Variants in GAB2 observed in about 807,000 individuals in gnomAD.
GAB2 encodes GRB2-associated-binding protein 2.
Under a neutral mutation model 65.5 loss-of-function variants are expected in GAB2, and 26 were observed. The observed-to-expected ratio is 0.40, with a 90% CI of 0.29 to 0.55. GAB2 has a LOEUF of 0.55. Among genes scored for constraint, GAB2 ranks in the 20% least tolerant of loss-of-function variants. The pLI is 0.53. For missense variants in GAB2, 884 were observed against 875.8 expected, an observed-to-expected ratio of 1.01 and a Z score of -0.12; for synonymous variants, 321 against 329.6, an observed-to-expected ratio of 0.97 and a Z score of 0.28.
intron 1 of GAB2, among the ~76,000 whole-genome samples, chr11:78,352,377 C>CT (rs1462131114): frequency 6.6e-6 from 1 of 152,186 alleles, no homozygotes; most frequent in African/African-American, 2.4e-5. Context: ...CTTCACAGAA[C>CT]CCGTCATAAG....
chr11:78,247,254 T>C (rs1356637994), intron 3 of GAB2, among the ~76,000 whole-genome samples: 1 of 152,232 alleles, frequency 6.6e-6, no homozygotes, highest in Non-Finnish European at 1.5e-5. Flanking sequence ...CTTTGGGTAT[T>C]GCACTTTGGA....
At chr11:78,286,279 A>G (rs1025851857) in intron 1 of GAB2, among the ~76,000 whole-genome samples, 16 of 152,086 alleles carry the variant, frequency 1.1e-4, no homozygotes, top group African/African-American at 3.9e-4. Flanking sequence ...TACCTCATCC[A>G]TCTGGAGAAT....
rs141561759 is a variant in GAB2, at chr11:78,239,005, C to T, written c.620+11152G>A. 5.2e-3 allele frequency among the ~76,000 whole-genome samples: 794 copies of T among 151,704 alleles called. 1 individual carries two copies. The highest frequency in any genetic ancestry group is 6.8e-3 in the Non-Finnish European group (461 of 67,948). On this transcript the variant is annotated intron_variant, in intron 3 of 9. Coordinates refer to ENST00000361507, the MANE Select transcript of GAB2 (RefSeq NM_080491.3). ...CCAAAGAAGATATACAAATGGCCAA[C>T]GCACGCATGAAAAGTTGCTCAACAC...
At chr11:78,370,028 C>T (rs1222434525) in intron 1 of GAB2, among the ~76,000 whole-genome samples, 6 of 151,904 alleles carry the variant, frequency 3.9e-5, no homozygotes, top group South Asian at 2.1e-4. Context: ...GAGGCCGAGG[C>T]GGGCGGATCA....
At chr11:78,240,221 T>C (rs1196622838) in intron 3 of GAB2, among the ~76,000 whole-genome samples, 1 of 152,048 alleles carries the variant, frequency 6.6e-6, no homozygotes, top group East Asian at 1.9e-4. Context: ...CCCCAGTAGC[T>C]AAAATAATAT....
At chr11:78,366,336 T>G (rs946512453) in intron 1 of GAB2, among the ~76,000 whole-genome samples, 3 of 151,968 alleles carry the variant, frequency 2.0e-5, no homozygotes, top group African/African-American at 7.2e-5. Context: ...TCCCAGCACT[T>G]TGGGAGGCCG....
chr11:78,281,247 CAT>C (rs1866326826), intron 1 of GAB2, among the ~76,000 whole-genome samples: 1 of 59,362 alleles, frequency 1.7e-5, no homozygotes, highest in Non-Finnish European at 4.1e-5. Flanking sequence ...GACCTTAATG[CAT>C]TTTTTTTTTT....
chr11:78,406,932 G>A (rs376964310), intron 1 of GAB2, among the ~76,000 whole-genome samples: 12 of 151,210 alleles, frequency 7.9e-5, no homozygotes, highest in Non-Finnish European at 1.6e-4. Context: ...TTTTAGAACT[G>A]AAAAATATAA....
chr11:78,370,712 C>CCTGTGTGTGTGTGTGT (rs58668713), intron 1 of GAB2, among the ~76,000 whole-genome samples: 2 of 123,220 alleles, frequency 1.6e-5, no homozygotes, highest in African/African-American at 5.8e-5. Flanking sequence ...TGTGTGTGTG[C>CCTGTGTGTGTGTGTGT]GTGTGTGTGT....
chr11:78,267,410 G>A (rs929948830), intron 2 of GAB2, among the ~76,000 whole-genome samples: 1 of 152,144 alleles, frequency 6.6e-6, no homozygotes, highest in African/African-American at 2.4e-5. Flanking sequence ...TTCATGGACA[G>A]GTGAAAACAC....
chr11:78,220,565 T>C (rs1416436149), intron 8 of GAB2, 121 bp from the exon 9 acceptor site: 10 of 734,360 alleles, frequency 1.4e-5, no homozygotes, highest in Non-Finnish European at 2.1e-5. Flanking sequence ...ACATGCACCA[T>C]GCTAAGGACT....
intron 1 of GAB2, among the ~76,000 whole-genome samples, chr11:78,372,490 A>T (rs1856584577): frequency 6.6e-6 from 1 of 152,216 alleles, no homozygotes; most frequent in Non-Finnish European, 1.5e-5. Context: ...TTCTCTAAAA[A>T]AACTTATCTT....
At chr11:78,358,051 T>C (rs1449999960) in intron 1 of GAB2, among the ~76,000 whole-genome samples, 1 of 152,016 alleles carries the variant, frequency 6.6e-6, no homozygotes, top group East Asian at 1.9e-4. Context: ...AACCCAAATG[T>C]CCATCAATGA....
intron 2 of GAB2, among the ~76,000 whole-genome samples, chr11:78,271,440 C>T (rs909223979): frequency 4.6e-5 from 7 of 152,228 alleles, no homozygotes; most frequent in Non-Finnish European, 5.9e-5. Flanking sequence ...CCTTTTGGAA[C>T]GAGTTCTCTC....
Position 78,318,458 on chromosome 11 carries a change from T to C in GAB2, c.76-37557A>G, listed in dbSNP as rs537322238. Among the ~76,000 whole-genome samples the C allele has an allele frequency of 2.6e-3, 389 of 147,660 alleles. 7 individuals are homozygous for C. Among genetic ancestry groups the C allele is most frequent in the Middle Eastern group, 0.022 (6 of 276 alleles). Reference sequence around the variant, plus strand: ...ACTGACAGTTTTAACTGGAGAGGGATAGGATCCAGTGTGCATAGTAGAAAT... The same window carrying C: ...ACTGACAGTTTTAACTGGAGAGGGACAGGATCCAGTGTGCATAGTAGAAAT... On this transcript the variant is annotated intron_variant, in intron 1 of 9. Coordinates refer to ENST00000361507, the MANE Select transcript of GAB2 (RefSeq NM_080491.3).
chr11:78,391,077 G>A (rs1856828348), intron 1 of GAB2, among the ~76,000 whole-genome samples: 1 of 152,158 alleles, frequency 6.6e-6, no homozygotes, highest in Non-Finnish European at 1.5e-5. Context: ...AAATGTTATT[G>A]TGGCAGTTTT....
intron 1 of GAB2, among the ~76,000 whole-genome samples, chr11:78,310,735 G>A (rs936125852): frequency 3.9e-5 from 6 of 152,182 alleles, no homozygotes; most frequent in Non-Finnish European, 5.9e-5. Context: ...GTGTTCCAGC[G>A]CCACTGTCCT....
intron 1 of GAB2, among the ~76,000 whole-genome samples, chr11:78,295,040 C>G (rs752625295): frequency 6.6e-6 from 1 of 151,962 alleles, no homozygotes; most frequent in Non-Finnish European, 1.5e-5. Context: ...AACAAATTTA[C>G]AAGAAAAAAA....
At chr11:78,353,470 G>T (rs1856311670) in intron 1 of GAB2, among the ~76,000 whole-genome samples, 1 of 152,102 alleles carries the variant, frequency 6.6e-6, no homozygotes, top group South Asian at 2.1e-4. Flanking sequence ...GAGAAACTGG[G>T]GATGGGGCCC....
Sources: allele counts gnomAD v4.1 joint callset (sites outside exome capture counted in the v4.1 genomes callset), GRCh38; gene constraint gnomAD v4.1.1; transcripts MANE v1.5; gene names NCBI Gene and HGNC (gene_info 2026-07-23, HGNC 2026-07-21).